The following ARHGAP28 variants were observed in gnomAD, a reference collection of about 807,000 sequenced individuals.
ARHGAP28 encodes rho GTPase-activating protein 28.
Under a neutral mutation model 90.7 loss-of-function variants are expected in ARHGAP28, and 56 were observed. That is an observed-to-expected ratio of 0.62 (90% CI 0.50 to 0.77). The LOEUF (loss-of-function observed/expected upper bound fraction) is 0.77, where lower values mean the gene tolerates loss of function less well. Among genes scored for constraint, ARHGAP28 ranks in the 30% least tolerant of loss-of-function variants. The pLI, the probability that ARHGAP28 is intolerant of heterozygous loss-of-function variation, is 0.00. For missense variants in ARHGAP28, 869 were observed against 900.9 expected, an observed-to-expected ratio of 0.96 and a Z score of 0.45; for synonymous variants, 308 against 323.3, an observed-to-expected ratio of 0.95 and a Z score of 0.51.
At chr18:6,909,160 T>A (rs1225872004) in intron 17 of ARHGAP28, 136 bp downstream of exon 17, 1 of 590,012 alleles carries the variant, frequency 1.7e-6, no homozygotes, top group African/African-American at 1.9e-5. Flanking sequence ...GATATTTTTA[T>A]CTCATGTGGG....
At chr18:6,764,777 C>G (rs2056187520) in intron 1 of ARHGAP28, among the ~76,000 whole-genome samples, 1 of 152,172 alleles carries the variant, frequency 6.6e-6, no homozygotes, top group African/African-American at 2.4e-5. Flanking sequence ...AAAACAATGG[C>G]TGGACTTTCT....
Position 6,756,193 on chromosome 18 carries a change from A to G in ARHGAP28, c.122+26250A>G, listed in dbSNP as rs539151488. 3.9e-5 allele frequency among the ~76,000 whole-genome samples: 6 copies of G among 152,298 alleles called. No individual in the cohort carries two copies. In the South Asian group the frequency reaches 1.2e-3, roughly 32 times the overall value. ...TAAAGACCTTAGAATGATGACTGCA[A>G]TATAGATCTATGGAAGAGCCAACTA... is the stretch of plus-strand genomic sequence containing the variant. On this transcript the variant is annotated intron_variant, in intron 1 of 17. Coordinates refer to ENST00000383472, the MANE Select transcript of ARHGAP28 (RefSeq NM_001366230.1).
intron 11 of ARHGAP28, among the ~76,000 whole-genome samples, chr18:6,883,239 A>ATTT (rs34238467): frequency 1.4e-4 from 20 of 142,290 alleles, no homozygotes; most frequent in African/African-American, 5.2e-4. Flanking sequence ...TCAGGCACTA[A>ATTT]TTTTTTTTTT....
At chr18:6,841,179 T>TCCTCTCTCTCTCTCC (rs2056814168) in intron 3 of ARHGAP28, among the ~76,000 whole-genome samples, 1 of 67,330 alleles carries the variant, frequency 1.5e-5, no homozygotes, top group Non-Finnish European at 2.7e-5. Context: ...TCTCTCTCTC[T>TCCTCTCTCTCTCTCC]CCTCTCTCTC....
intron 10 of ARHGAP28, among the ~76,000 whole-genome samples, chr18:6,877,515 C>T (rs1357839006): frequency 1.3e-5 from 2 of 152,164 alleles, no homozygotes; most frequent in Admixed American, 6.5e-5. Context: ...CTGGGAGAGT[C>T]GGCTACCTGG....
At chr18:6,772,395 G>C (rs1193595856) in intron 1 of ARHGAP28, among the ~76,000 whole-genome samples, 1 of 152,204 alleles carries the variant, frequency 6.6e-6, no homozygotes, top group African/African-American at 2.4e-5. Flanking sequence ...AAACGGTACA[G>C]ACAGTTCCTG....
chr18:6,785,258 C>G (rs1027456711), intron 1 of ARHGAP28, among the ~76,000 whole-genome samples: 2 of 152,136 alleles, frequency 1.3e-5, no homozygotes, highest in Non-Finnish European at 2.9e-5. Context: ...TAGTAGAACA[C>G]TTTTTCATAT....
intron 5 of ARHGAP28, among the ~76,000 whole-genome samples, chr18:6,866,530 A>G (rs2057039117): frequency 6.6e-6 from 1 of 152,198 alleles, no homozygotes; most frequent in African/African-American, 2.4e-5. Context: ...CCTTCTGGGC[A>G]GCACCTCTTC....
chr18:6,868,649 C>A (rs946859006), intron 6 of ARHGAP28, among the ~76,000 whole-genome samples: 6 of 152,012 alleles, frequency 3.9e-5, no homozygotes, highest in Admixed American at 3.3e-4. Flanking sequence ...TTTATCTGCG[C>A]CTCTTCCGCT....
chr18:6,856,281 G>A (rs192796831), intron 4 of ARHGAP28, among the ~76,000 whole-genome samples: 56 of 151,826 alleles, frequency 3.7e-4, no homozygotes, highest in Non-Finnish European at 6.8e-4. Flanking sequence ...ATAATTTTTG[G>A]CAAACAAATT....
At chr18:6,778,764 C>T (rs900639217) in intron 1 of ARHGAP28, among the ~76,000 whole-genome samples, 3 of 152,166 alleles carry the variant, frequency 2.0e-5, no homozygotes, top group Admixed American at 2.0e-4. Context: ...CTTTTATTCT[C>T]TTTTAAAGAC....
At chr18:6,780,997 T>G (rs1036656097) in intron 1 of ARHGAP28, among the ~76,000 whole-genome samples, 2 of 152,302 alleles carry the variant, frequency 1.3e-5, no homozygotes, top group Non-Finnish European at 2.9e-5. Context: ...ATATTCTAAC[T>G]CTGAGCCCCC....
intron 1 of ARHGAP28, among the ~76,000 whole-genome samples, chr18:6,803,972 G>A (rs1474149091): frequency 2.0e-5 from 3 of 151,964 alleles, no homozygotes; most frequent in Non-Finnish European, 4.4e-5. Context: ...GTAGAGATGG[G>A]GTTTCACCGT....
At chr18:6,799,698 G>A (rs2056468060) in intron 1 of ARHGAP28, among the ~76,000 whole-genome samples, 1 of 151,746 alleles carries the variant, frequency 6.6e-6, no homozygotes, top group African/African-American at 2.4e-5. Context: ...ACTGAAACTG[G>A]ACCGCATCTT....
intron 16 of ARHGAP28, among the ~76,000 whole-genome samples, chr18:6,906,510 T>C (rs1232904816): frequency 1.3e-5 from 2 of 152,172 alleles, no homozygotes; most frequent in Non-Finnish European, 2.9e-5. Flanking sequence ...TTGAGAAAAC[T>C]ACAAAAGCAA....
At chr18:6,841,202 T>TCTCTCTCTCTCTCTCTCC (rs1567966823) in intron 3 of ARHGAP28, among the ~76,000 whole-genome samples, 17 of 47,382 alleles carry the variant, frequency 3.6e-4, no homozygotes, top group African/African-American at 1.8e-3. Context: ...TCTCTCTCTC[T>TCTCTCTCTCTCTCTCTCC]CCTCTCCTCT....
At chr18:6,881,644 G>A (rs370023210) in intron 10 of ARHGAP28, among the ~76,000 whole-genome samples, 27 of 152,348 alleles carry the variant, frequency 1.8e-4, no homozygotes, top group African/African-American at 6.3e-4. Context: ...GATGTCATAG[G>A]TTTGCATGTT....
chr18:6,876,273 A>G, intron 10 of ARHGAP28, 65 bp downstream of exon 10: 1 of 1,187,250 alleles, frequency 8.4e-7, no homozygotes. Flanking sequence ...TCACACAAGC[A>G]TCGGGGATCC....
At chr18:6,753,018 G>C (rs1197380570) in intron 1 of ARHGAP28, among the ~76,000 whole-genome samples, 1 of 151,696 alleles carries the variant, frequency 6.6e-6, no homozygotes, top group Non-Finnish European at 1.5e-5. Flanking sequence ...AGACCCTCAA[G>C]CTTTTCCTAA....
Sources: gnomAD v4.1 joint callset for allele counts (sites outside exome capture counted in the v4.1 genomes callset) on GRCh38, gnomAD v4.1.1 for gene constraint, MANE v1.5 for transcripts, NCBI Gene and HGNC (gene_info 2026-07-23, HGNC 2026-07-21) for gene names.